The following SLFN12 variants were observed in gnomAD, a reference collection of about 807,000 sequenced individuals.
SLFN12 encodes ribonuclease SLFN12.
In SLFN12, 25 loss-of-function variants were observed where a neutral mutation model predicts 29.1. That is an observed-to-expected ratio of 0.86 (90% CI 0.63 to 1.20). SLFN12 has a LOEUF of 1.20. Ranked by LOEUF, SLFN12 falls within the 50% of genes most tolerant of loss-of-function variation. SLFN12 has a pLI of 0.00. For synonymous variants in SLFN12, 257 were observed against 238.7 expected, an observed-to-expected ratio of 1.08 and a Z score of -0.71; for missense variants, 660 against 666.2, an observed-to-expected ratio of 0.99 and a Z score of 0.10.
rs751145904 is a variant in SLFN12 at position 35,422,639 on chromosome 17, A to G, written c.390T>C (p.Asp130=). 1.6e-5 allele frequency: 26 copies of G among 1,613,910 alleles called. 1 individual carries two copies. The highest frequency in any genetic ancestry group is 2.2e-5 in the Non-Finnish European group (26 of 1,179,938). Residue 130 remains aspartate, a synonymous_variant, in exon 2 of 4, where the codon GAT becomes GAC. Coordinates refer to ENST00000304905, the MANE Select transcript of SLFN12 (RefSeq NM_018042.5). ...CATTCATGACTTTTGCAGATGTTAT[A>G]TCTCTTTTGTACAAATTGGAGCTCA... ...TTLSSNLYKR[D]ITSAKVMNAT... is the part of the protein sequence containing the mutation.
chr17:35,430,054 A>G (rs1912224799), intron 1 of SLFN12, among the ~76,000 whole-genome samples: 1 of 151,460 alleles, frequency 6.6e-6, no homozygotes, highest in African/African-American at 2.4e-5. Context: ...AGCTCTTTAA[A>G]TTTTCTGGTA....
In SLFN12 at chr17:35,432,389, T is replaced by C. The variant is rs184736472; in HGVS notation, c.-242A>G. ...GGCTCAAGAGCCCGGTTTCAGAATT[T>C]TCTGGGGTTTAAGTACCCTCTAAAG... On this transcript the variant is annotated 5_prime_UTR_variant, in exon 1 of 4. Transcript: ENST00000304905. The C allele has an allele frequency of 2.8e-4, 43 of 152,326 alleles. No homozygotes were observed. The highest frequency in any genetic ancestry group is 2.4e-3 in the Admixed American group (37 of 15,302). The allele number at this position is 152,326 out of a possible 1,614,324, so 9.4% of individuals were successfully genotyped here. A position where few individuals can be genotyped will look rare whatever the true frequency, so the allele number is the denominator to read the frequency against.
intron 3 of SLFN12, among the ~76,000 whole-genome samples, chr17:35,418,928 T>C (rs2142036929): frequency 6.6e-6 from 1 of 152,208 alleles, no homozygotes; most frequent in East Asian, 1.9e-4. Context: ...AGTACAGTGG[T>C]GTGATCTCAG....
At chr17:35,428,867 A>G (rs1186108025) in intron 1 of SLFN12, among the ~76,000 whole-genome samples, 2 of 152,010 alleles carry the variant, frequency 1.3e-5, no homozygotes, top group African/African-American at 4.8e-5. Flanking sequence ...CTTTAGACCC[A>G]ATTTCTTCAT....
At chr17:35,427,536 C>G (rs1260079442) in intron 1 of SLFN12, among the ~76,000 whole-genome samples, 1 of 151,982 alleles carries the variant, frequency 6.6e-6, no homozygotes, top group Non-Finnish European at 1.5e-5. Context: ...CACATTTTAC[C>G]CAACATGAGG....
chr17:35,430,608 G>A (rs749311742), intron 1 of SLFN12: 4 of 151,994 alleles, frequency 2.6e-5, no homozygotes, highest in African/African-American at 4.8e-5. Flanking sequence ...TGCAAACATC[G>A]AAAACCTTTG....
intron 1 of SLFN12, among the ~76,000 whole-genome samples, chr17:35,424,997 A>G (rs1363623949): frequency 1.3e-5 from 2 of 152,116 alleles, no homozygotes; most frequent in Non-Finnish European, 2.9e-5. Context: ...AGCAACTTTC[A>G]AGAATACAGG....
intron 2 of SLFN12, among the ~76,000 whole-genome samples, 161 bp downstream of exon 2, chr17:35,421,829 C>T (rs1206436151): frequency 6.6e-6 from 1 of 151,420 alleles, no homozygotes; most frequent in Non-Finnish European, 1.5e-5. Flanking sequence ...CGTGAGCCAC[C>T]GCGCCTGGCC....
At chr17:35,418,202 AT>A (rs5820115) in intron 3 of SLFN12, among the ~76,000 whole-genome samples, 13,760 of 152,222 alleles carry the variant, frequency 0.09, 813 homozygotes, top group South Asian at 0.28. Context: ...GATACTTAGT[AT>A]AACATTACAG....
chr17:35,412,859 G>A (rs547880795), intron 3 of SLFN12, among the ~76,000 whole-genome samples: 3 of 151,868 alleles, frequency 2.0e-5, no homozygotes, highest in Non-Finnish European at 4.4e-5. Flanking sequence ...TAAAATAGAT[G>A]AAAAGATGAA....
chr17:35,432,955 C>A (rs1912404802), upstream of SLFN12: 3 of 152,204 alleles, frequency 2.0e-5, no homozygotes, highest in African/African-American at 7.2e-5. Context: ...GCGAGCACAC[C>A]CCAGATGCCA....
chr17:35,416,498 G>A (rs1388898738), intron 3 of SLFN12, among the ~76,000 whole-genome samples: 1 of 151,886 alleles, frequency 6.6e-6, no homozygotes, highest in Non-Finnish European at 1.5e-5. Context: ...AAAAACTAGT[G>A]AAATAAAAAT....
In SLFN12 at chr17:35,411,456, C is replaced by A; in HGVS notation, c.1619G>T (p.Arg540Ile). 1 of 1,613,672 alleles carries A rather than the reference C, an allele frequency of 6.2e-7. No homozygotes were observed. Among genetic ancestry groups the A allele is most frequent in the Non-Finnish European group, 8.5e-7 (1 of 1,179,862 alleles). ...LLKALFKALK[R>I]LKSLRDQFSF... ...AAACTGGTCTCTCAGAGACTTGAGT[C>A]TCTTTAAGGCTTTAAAAAGGGCTTT... Residue 540 changes from arginine (R) to isoleucine (I), a missense_variant, in exon 4 of 4, where the codon AGA becomes ATA. Physicochemically the swap from Arg to Ile is moderately conservative, Grantham distance 97. Coordinates refer to ENST00000304905, the MANE Select transcript of SLFN12 (RefSeq NM_018042.5).
At chr17:35,421,102 G>C (rs1407293415) in intron 2 of SLFN12, among the ~76,000 whole-genome samples, 3 of 151,526 alleles carry the variant, frequency 2.0e-5, no homozygotes, top group Non-Finnish European at 4.4e-5. Flanking sequence ...CCAGCTACTC[G>C]GAAGGCTGAG....
chr17:35,428,062 G>A (rs1477707209), intron 1 of SLFN12, among the ~76,000 whole-genome samples: 3 of 152,006 alleles, frequency 2.0e-5, no homozygotes, highest in Non-Finnish European at 4.4e-5. Context: ...AAAGGTTCAT[G>A]GTGAAACATA....
rs1200648069 is a variant in SLFN12, at chr17:35,420,394, A to G, written c.1040-13T>C. ...GAACTGGAAAATTCTTAAAAACAAA[A>G]ATATCACATTCTTAATTTCGCAGAA... is the stretch of plus-strand genomic sequence containing the variant. On this transcript the variant is annotated splice_polypyrimidine_tract_variant and intron_variant, in intron 2 of 3. Transcript: ENST00000304905. The G allele has an allele frequency of 1.9e-6, 3 of 1,564,880 alleles. No individual in the cohort carries two copies. The highest frequency in any genetic ancestry group is 3.3e-5 in the Admixed American group (2 of 59,816).
intron 1 of SLFN12, among the ~76,000 whole-genome samples, chr17:35,431,680 C>T (rs1912325712): frequency 6.6e-6 from 1 of 152,090 alleles, no homozygotes; most frequent in Non-Finnish European, 1.5e-5. Flanking sequence ...GTGAGCTTTC[C>T]TTTTGTCTCT....
chr17:35,419,260 T>C (rs999033361), intron 3 of SLFN12, among the ~76,000 whole-genome samples: 2 of 152,146 alleles, frequency 1.3e-5, no homozygotes, highest in African/African-American at 2.4e-5. Context: ...TTTTAAATGA[T>C]AGTTTTGCCT....
intron 1 of SLFN12, among the ~76,000 whole-genome samples, chr17:35,429,249 T>A (rs1243169790): frequency 6.6e-6 from 1 of 151,928 alleles, no homozygotes; most frequent in Non-Finnish European, 1.5e-5. Flanking sequence ...CTGAGAAACT[T>A]GGAACCCATG....
Sources: allele counts gnomAD v4.1 joint callset (sites outside exome capture counted in the v4.1 genomes callset), GRCh38; gene constraint gnomAD v4.1.1; transcripts MANE v1.5; gene names NCBI Gene and HGNC (gene_info 2026-07-23, HGNC 2026-07-21).